DOCK3: variants seen among roughly 807,000 people sequenced by gnomAD.
The protein encoded by DOCK3 is dedicator of cytokinesis 3, also known as dedicator of cytokinesis protein 3.
A neutral mutation model predicts 265.6 loss-of-function variants in DOCK3; 60 were observed. The ratio of observed to expected loss-of-function variants is 0.23; its 90% CI spans 0.18 to 0.28. The LOEUF (loss-of-function observed/expected upper bound fraction) is 0.28. Among genes scored for constraint, DOCK3 ranks in the 10% least tolerant of loss-of-function variants. DOCK3 has a pLI of 1.00. For synonymous variants in DOCK3, 881 were observed against 938.0 expected (o/e 0.94, Z 1.11); for missense variants, 1,981 against 2,594.3 (o/e 0.76, Z 5.14).
chr3:51,221,418 T>C (rs1345177960), intron 14 of DOCK3, among the ~76,000 whole-genome samples: 1 of 152,184 alleles, frequency 6.6e-6, no homozygotes, highest in East Asian at 1.9e-4. Flanking sequence ...TTCTTGCCAG[T>C]GAAGAATGTT....
At chr3:51,326,961 G>T (rs2084169711) in intron 32 of DOCK3, among the ~76,000 whole-genome samples, 1 of 151,940 alleles carries the variant, frequency 6.6e-6, no homozygotes, top group African/African-American at 2.4e-5. Context: ...CCAAATTTTT[G>T]TTGTTAATAT....
At chr3:50,863,919 C>T (rs1293843945) in intron 3 of DOCK3, among the ~76,000 whole-genome samples, 4 of 152,162 alleles carry the variant, frequency 2.6e-5, no homozygotes, top group Non-Finnish European at 4.4e-5. Flanking sequence ...CTCCAATAAA[C>T]GTAGGTGTGC....
chr3:51,277,533 G>T, intron 25 of DOCK3, 75 bp from the exon 26 acceptor site: 1 of 1,474,630 alleles, frequency 6.8e-7, no homozygotes, highest in East Asian at 2.5e-5. Flanking sequence ...TGATGTGGCT[G>T]ACCTAGTAAG....
chr3:51,020,548 GCTGTATCCTGGATGTTA>G, intron 5 of DOCK3, among the ~76,000 whole-genome samples: 1 of 151,608 alleles, frequency 6.6e-6, no homozygotes, highest in East Asian at 1.9e-4. Flanking sequence ...TTTGCCTTTT[GCTGTATCCTGGATGTTA>G]TTGCCTAGGT....
At chr3:51,336,828 A>T (rs1472595582) in intron 35 of DOCK3, 1 of 455,370 alleles carries the variant, frequency 2.2e-6, no homozygotes, top group Non-Finnish European at 4.4e-6. Flanking sequence ...ATAGAAGTTA[A>T]TCCGTGGTAA....
intron 49 of DOCK3, among the ~76,000 whole-genome samples, chr3:51,369,776 T>C (rs569497860): frequency 6.6e-6 from 1 of 151,952 alleles, no homozygotes; most frequent in East Asian, 1.9e-4. Flanking sequence ...TAGAGGGAAG[T>C]GGAGTAAGGT....
intron 27 of DOCK3, among the ~76,000 whole-genome samples, chr3:51,286,314 A>T (rs112264499): frequency 6.6e-6 from 1 of 152,348 alleles, no homozygotes; most frequent in African/African-American, 2.4e-5. Context: ...TAAATCAGAG[A>T]TTACACAAAC....
At chr3:50,821,675 T>G (rs2044440902) in intron 2 of DOCK3, among the ~76,000 whole-genome samples, 1 of 152,230 alleles carries the variant, frequency 6.6e-6, no homozygotes, top group South Asian at 2.1e-4. Context: ...TTATATATGG[T>G]GAAAGGTAAG....
At chr3:50,877,958 T>C (rs2047798912) in intron 3 of DOCK3, among the ~76,000 whole-genome samples, 1 of 152,156 alleles carries the variant, frequency 6.6e-6, no homozygotes, top group African/African-American at 2.4e-5. Flanking sequence ...ACATTTGCCG[T>C]TCTGCAATAT....
chr3:50,957,549 G>A (rs565208737), intron 5 of DOCK3, among the ~76,000 whole-genome samples: 1 of 152,318 alleles, frequency 6.6e-6, no homozygotes, highest in South Asian at 2.1e-4. Context: ...CACAGTGCCA[G>A]CTTCTTTTTG....
At chr3:51,136,393 AT>A (rs956677807) in intron 9 of DOCK3, among the ~76,000 whole-genome samples, 3 of 150,924 alleles carry the variant, frequency 2.0e-5, no homozygotes, top group Admixed American at 6.6e-5. Flanking sequence ...CACCCGGCTA[AT>A]TTTTTTTTGT....
chr3:50,884,487 C>T (rs1361712991), intron 3 of DOCK3, among the ~76,000 whole-genome samples: 1 of 152,156 alleles, frequency 6.6e-6, no homozygotes, highest in Non-Finnish European at 1.5e-5. Flanking sequence ...ACTGGTGCTG[C>T]TGTCTTTTAT....
intron 2 of DOCK3, among the ~76,000 whole-genome samples, chr3:50,817,389 T>C (rs1407760728): frequency 6.6e-6 from 1 of 152,158 alleles, no homozygotes; most frequent in Non-Finnish European, 1.5e-5. Flanking sequence ...CCTCCCAGGC[T>C]CAAGCCATTT....
chr3:51,367,689 G>T (rs1356358334), intron 49 of DOCK3, among the ~76,000 whole-genome samples: 1 of 152,170 alleles, frequency 6.6e-6, no homozygotes, highest in African/African-American at 2.4e-5. Flanking sequence ...AGGCCTGGTG[G>T]TGACAAAATC....
At chr3:51,363,233 T>A (rs1319942309) in intron 49 of DOCK3, among the ~76,000 whole-genome samples, 3 of 152,252 alleles carry the variant, frequency 2.0e-5, no homozygotes, top group Non-Finnish European at 4.4e-5. Context: ...GGCAGCATCT[T>A]CGCATCTTTT....
chr3:50,688,655 G>GT (rs1458563460), intron 1 of DOCK3, among the ~76,000 whole-genome samples: 4 of 152,132 alleles, frequency 2.6e-5, no homozygotes, highest in African/African-American at 4.8e-5. Flanking sequence ...TAGAGACAGA[G>GT]TTTCACCATG....
rs1217548049 is a variant in DOCK3, at chr3:50,869,141, A to AT, written c.163-20879dup. On this transcript the variant is annotated intron_variant, in intron 3 of 52. Transcript: ENST00000266037. ...AGGCACCTGCCACCACGCCTGGCTA[A>AT]TTTTTTGTGTTTTCAGTAGAGACGG... Among the ~76,000 whole-genome samples the AT allele has an allele frequency of 3.3e-5, 5 of 149,698 alleles. No individual in the cohort carries two copies. The South Asian group carries it at 1.1e-3, about 32-fold the overall frequency.
At chr3:50,909,143 A>G (rs923661540) in intron 4 of DOCK3, among the ~76,000 whole-genome samples, 1 of 151,962 alleles carries the variant, frequency 6.6e-6, no homozygotes, top group African/African-American at 2.4e-5. Context: ...AAGACGGCAT[A>G]CCAATGGTCT....
At chr3:50,801,828 T>C (rs573281021) in intron 2 of DOCK3, among the ~76,000 whole-genome samples, 1 of 152,342 alleles carries the variant, frequency 6.6e-6, no homozygotes, top group Middle Eastern at 3.4e-3. Flanking sequence ...TGTATTTGGA[T>C]CTATTTCTTC....
Sources: allele counts gnomAD v4.1 joint callset (sites outside exome capture counted in the v4.1 genomes callset), GRCh38; gene constraint gnomAD v4.1.1; transcripts MANE v1.5; gene names NCBI Gene and HGNC (gene_info 2026-07-23, HGNC 2026-07-21).